Variants in LARGE1 observed in about 807,000 individuals in gnomAD.
The protein encoded by LARGE1 is xylosyl- and glucuronyltransferase LARGE1.
Under a neutral mutation model 87.6 loss-of-function variants are expected in LARGE1, and 43 were observed. The observed-to-expected ratio is 0.49, with a 90% CI of 0.38 to 0.63. LARGE1 has a LOEUF of 0.63. LARGE1 is among the 30% of genes least tolerant of loss of function. The pLI, the probability that LARGE1 is intolerant of heterozygous loss-of-function variation, is 0.00. For synonymous variants in LARGE1, 434 were observed against 394.6 expected (o/e 1.10, Z -1.18); for missense variants, 802 against 1,000.2 (o/e 0.80, Z 2.67).
chr22:33,780,955 G>C (rs2085400643), intron 1 of LARGE1, among the ~76,000 whole-genome samples: 1 of 152,194 alleles, frequency 6.6e-6, no homozygotes, highest in Non-Finnish European at 1.5e-5. Flanking sequence ...TAGTTGTGGG[G>C]CTGTCAGTAG....
At chr22:33,253,558 A>G (rs1052885097) in intron 11 of LARGE1, among the ~76,000 whole-genome samples, 52 of 152,248 alleles carry the variant, frequency 3.4e-4, no homozygotes, top group African/African-American at 1.1e-3. Context: ...CTAAAAATAC[A>G]AACATTAGCT....
At chr22:33,589,119 T>C (rs931521958) in intron 5 of LARGE1, among the ~76,000 whole-genome samples, 1 of 152,182 alleles carries the variant, frequency 6.6e-6, no homozygotes, top group African/African-American at 2.4e-5. Flanking sequence ...AGTTCAACTG[T>C]AGTAAGTGAG....
In LARGE1 at chr22:33,667,682, C is replaced by T. The variant is rs16992772; in HGVS notation, c.107-17014G>A. Among the ~76,000 whole-genome samples, 1,222 of 152,314 alleles carry T rather than the reference C, an allele frequency of 8.0e-3. 16 individuals are homozygous for T. Among genetic ancestry groups the T allele is most frequent in the African/African-American group, 0.028 (1,150 of 41,566 alleles). ...TTGGTTAAGATCGTGATCCCCTGGT[C>T]CTCACTGTCATCTGTTAAATGGGGG... On this transcript the variant is annotated intron_variant, in intron 2 of 14. Transcript: ENST00000397394.
chr22:33,915,042 C>CACACACACACACAGAGAG (rs144076486), intron 1 of LARGE1, among the ~76,000 whole-genome samples: 1 of 137,032 alleles, frequency 7.3e-6, no homozygotes, highest in Non-Finnish European at 1.6e-5. Context: ...CACACACACA[C>CACACACACACACAGAGAG]AGAGAGAGAG....
At chr22:33,871,982 C>CAAAAAAAAAAA (rs58105742) in intron 1 of LARGE1, among the ~76,000 whole-genome samples, 55 of 86,740 alleles carry the variant, frequency 6.3e-4, no homozygotes, top group Non-Finnish European at 9.1e-4. Context: ...TCTAAATCAG[C>CAAAAAAAAAAA]AAAAAAAAAA....
intron 2 of LARGE1, among the ~76,000 whole-genome samples, chr22:33,714,537 T>C (rs1424435739): frequency 6.6e-6 from 1 of 152,216 alleles, no homozygotes; most frequent in East Asian, 1.9e-4. Context: ...TTTAATCATA[T>C]AAATGCCAAA....
In LARGE1 at chr22:33,646,597, T is replaced by A. The variant is rs540481535; in HGVS notation, c.408+3770A>T. Reference sequence around the variant, plus strand: ...CACATGTACTCCAGAATTTAAAGTTTAAAAAAAAAAAAGTCAACGAGTTCA... The same window carrying A: ...CACATGTACTCCAGAATTTAAAGTTAAAAAAAAAAAAAGTCAACGAGTTCA... On this transcript the variant is annotated intron_variant, in intron 3 of 14. Coordinates refer to ENST00000397394, the MANE Select transcript of LARGE1 (RefSeq NM_133642.5). Among the ~76,000 whole-genome samples the A allele has an allele frequency of 7.4e-3, 1,102 of 149,328 alleles. 8 individuals are homozygous for A. The highest frequency in any genetic ancestry group is 0.025 in the African/African-American group (1,025 of 40,376).
intron 11 of LARGE1, among the ~76,000 whole-genome samples, chr22:33,260,399 C>G (rs1927562338): frequency 6.6e-6 from 1 of 152,240 alleles, no homozygotes; most frequent in Non-Finnish European, 1.5e-5. Flanking sequence ...TCTGGCCTCC[C>G]TGGCATGTGC....
At chr22:33,173,320 C>A (rs1015784403) in intron 11 of LARGE1, among the ~76,000 whole-genome samples, 1 of 152,130 alleles carries the variant, frequency 6.6e-6, no homozygotes, top group Non-Finnish European at 1.5e-5. Context: ...ATTGTCACCA[C>A]CAAGCCTGCC....
At chr22:33,473,537 T>C (rs964490366) in intron 6 of LARGE1, among the ~76,000 whole-genome samples, 4 of 152,102 alleles carry the variant, frequency 2.6e-5, no homozygotes, top group Admixed American at 6.5e-5. Context: ...ATTTTTTTAG[T>C]AGAGACGAGG....
chr22:33,806,072 C>T (rs1304721229), intron 1 of LARGE1, among the ~76,000 whole-genome samples: 1 of 152,196 alleles, frequency 6.6e-6, no homozygotes, highest in East Asian at 1.9e-4. Context: ...CAAAACCCCA[C>T]ACCCATCAGG....
chr22:33,806,078 T>C (rs2086299630), intron 1 of LARGE1, among the ~76,000 whole-genome samples: 1 of 152,170 alleles, frequency 6.6e-6, no homozygotes, highest in African/African-American at 2.4e-5. Context: ...CCCACACCCA[T>C]CAGGCAGCTT....
At chr22:33,190,170 A>G (rs1284485235) in intron 11 of LARGE1, among the ~76,000 whole-genome samples, 2 of 152,162 alleles carry the variant, frequency 1.3e-5, no homozygotes, top group South Asian at 2.1e-4. Flanking sequence ...CAGCAGCTCA[A>G]TAGTGCTGGG....
chr22:33,121,187 G>GT, the LARGE1 span, among the ~76,000 whole-genome samples: 2 of 152,040 alleles, frequency 1.3e-5, no homozygotes, highest in Non-Finnish European at 2.9e-5. Flanking sequence ...ACTGCCTTTT[G>GT]TTTTTTTCCC....
intron 6 of LARGE1, among the ~76,000 whole-genome samples, chr22:33,553,510 T>C (rs2077589568): frequency 1.3e-5 from 2 of 152,122 alleles, no homozygotes. Flanking sequence ...AACAAGACCC[T>C]GTCACAAAAA....
chr22:33,917,223 G>T (rs1350600619), intron 1 of LARGE1, among the ~76,000 whole-genome samples: 2 of 152,140 alleles, frequency 1.3e-5, no homozygotes, highest in Non-Finnish European at 2.9e-5. Context: ...AACTAAGCAG[G>T]CTCTTCTTGG....
chr22:33,494,385 T>C (rs889567499), intron 6 of LARGE1, among the ~76,000 whole-genome samples: 1 of 152,200 alleles, frequency 6.6e-6, no homozygotes, highest in Middle Eastern at 3.2e-3. Flanking sequence ...CGTAAATGAA[T>C]AAAGTGACTG....
intron 7 of LARGE1, among the ~76,000 whole-genome samples, chr22:33,405,724 C>T (rs2066073793): frequency 6.6e-6 from 1 of 152,120 alleles, no homozygotes; most frequent in South Asian, 2.1e-4. Context: ...ATGTAGTGGG[C>T]ATTAAATGAG....
At chr22:33,239,008 GATCAA>G (rs1238771830) in intron 11 of LARGE1, among the ~76,000 whole-genome samples, 1 of 150,896 alleles carries the variant, frequency 6.6e-6, no homozygotes, top group East Asian at 1.9e-4. Flanking sequence ...AAAAAAATAA[GATCAA>G]ATCAAAGTTA....
Sources: allele counts gnomAD v4.1 joint callset (sites outside exome capture counted in the v4.1 genomes callset), GRCh38; gene constraint gnomAD v4.1.1; transcripts MANE v1.5; gene names NCBI Gene and HGNC (gene_info 2026-07-23, HGNC 2026-07-21).